The following ACBD6 variants were observed in gnomAD, a reference collection of about 807,000 sequenced individuals.
ACBD6 encodes the protein acyl-CoA binding domain containing 6, also known as acyl-CoA-binding domain-containing protein 6.
ACBD6 carries 28 observed loss-of-function variants against 37.2 expected under a neutral mutation model. The ratio of observed to expected loss-of-function variants is 0.75; its 90% CI spans 0.56 to 1.03. The LOEUF (loss-of-function observed/expected upper bound fraction) is 1.03. Ranked by LOEUF, ACBD6 falls within the 50% of genes least tolerant of loss-of-function variation. The probability of loss-of-function intolerance (pLI) is 0.00; values close to 1 mark genes in which losing one functional copy is unlikely to be tolerated. For synonymous variants in ACBD6, 113 were observed against 126.8 expected, an observed-to-expected ratio of 0.89 and a Z score of 0.73; for missense variants, 340 against 337.4, an observed-to-expected ratio of 1.01 and a Z score of -0.06.
Position 180,495,483 on chromosome 1 carries a change from C to A in ACBD6, c.265G>T (p.Asp89Tyr). 6.2e-7 allele frequency: 1 copy of A among 1,605,836 alleles called. No individual in the cohort carries two copies. Among genetic ancestry groups the A allele is most frequent in the South Asian group, 1.1e-5 (1 of 88,442 alleles). Residue 89 changes from aspartate to tyrosine, a missense_variant, in exon 2 of 8, where the codon GAT (aspartate) becomes TAT (tyrosine). Physicochemically the swap from Asp to Tyr is radical, Grantham distance 160. Coordinates refer to ENST00000367595, the MANE Select transcript of ACBD6 (RefSeq NM_032360.4). ...NCNTPKPSFF[D>Y]FEGKQKWEAW... Reference sequence around the variant, plus strand: ...TACCATTTTTGCTTTCCTTCAAAATCAAAGAAGCTTGGTTTAGGAGTATTA... The same window carrying A: ...TACCATTTTTGCTTTCCTTCAAAATAAAAGAAGCTTGGTTTAGGAGTATTA...
intron 3 of ACBD6, among the ~76,000 whole-genome samples, chr1:180,441,064 TA>T (rs1420353020): frequency 6.6e-6 from 1 of 152,226 alleles, no homozygotes; most frequent in East Asian, 1.9e-4. Context: ...CACTCCTGTA[TA>T]TACCCAAAAG....
intron 1 of ACBD6, among the ~76,000 whole-genome samples, chr1:180,497,456 A>G (rs956591215): frequency 1.3e-5 from 2 of 152,244 alleles, no homozygotes; most frequent in African/African-American, 4.8e-5. Flanking sequence ...AACTTAGGGC[A>G]GCAGTTTTCA....
At chr1:180,478,418 T>C (rs1650885150) in intron 3 of ACBD6, among the ~76,000 whole-genome samples, 1 of 152,004 alleles carries the variant, frequency 6.6e-6, no homozygotes, top group Non-Finnish European at 1.5e-5. Context: ...CTTAGAACAA[T>C]ACAACCTAGA....
intron 6 of ACBD6, among the ~76,000 whole-genome samples, chr1:180,334,557 G>A (rs1311712076): frequency 6.6e-6 from 1 of 152,034 alleles, no homozygotes; most frequent in East Asian, 1.9e-4. Context: ...CACAAAGATG[G>A]GAAAAAAACA....
rs56286672 is a variant in ACBD6 at position 180,353,785 on chromosome 1, C to CAAAAAAA, written c.664-39070_664-39064dup. Among the ~76,000 whole-genome samples the CAAAAAAA allele has an allele frequency of 2.3e-3, 45 of 19,650 alleles. 4 individuals are homozygous for CAAAAAAA. Among genetic ancestry groups the CAAAAAAA allele is most frequent in the African/African-American group, 8.6e-3 (29 of 3,362 alleles). 12.9% of individuals were successfully genotyped at this position (19,650 alleles called of 152,430 possible). A position where few individuals can be genotyped will look rare whatever the true frequency, so the allele number is the denominator to read the frequency against. ...AATGACATAAAACAGTTAACAACCA[C>CAAAAAAA]AAAAAAAAAAAAAAAAAAAAGCCCA... On this transcript the variant is annotated intron_variant, in intron 6 of 7. Transcript: ENST00000367595.
Position 180,288,472 on chromosome 1 carries a change from G to A in ACBD6, c.740C>T (p.Ser247Phe), listed in dbSNP as rs375602711. Residue 247 changes from serine (S) to phenylalanine (F), a missense_variant, in exon 8 of 8, where the codon TCT becomes TTT. By Grantham distance (155) the Ser-to-Phe change is radical. Transcript: ENST00000367595. ...FLDIVELLLQSGADPTLRDQD... is the reference protein window; with the variant it reads ...FLDIVELLLQFGADPTLRDQD... ...GTCTCGGAGAGTGGGGTCAGCACCAGACTGGAGCAGCAGCTCTACAATATC... is the reference window on the plus strand; with the variant it reads ...GTCTCGGAGAGTGGGGTCAGCACCAAACTGGAGCAGCAGCTCTACAATATC... 6.8e-6 allele frequency: 11 copies of A among 1,613,610 alleles called. No homozygotes were observed. The African/African-American group carries it at 1.5e-4, about 22-fold the overall frequency.
Position 180,342,132 on chromosome 1 carries a change from A to G in ACBD6, c.664-27410T>C, listed in dbSNP as rs572260937. Among the ~76,000 whole-genome samples the G allele has an allele frequency of 5.3e-4, 81 of 152,292 alleles. 1 individual carries two copies. The highest frequency in any genetic ancestry group is 7.4e-4 in the Non-Finnish European group (50 of 67,996). On this transcript the variant is annotated intron_variant, in intron 6 of 7. Transcript: ENST00000367595. ...CTTTCAATTTAGGGAATGTCTACCT[A>G]GAAATCAATTAGAGCAAGGACATGA...
intron 1 of ACBD6, among the ~76,000 whole-genome samples, chr1:180,501,042 G>A (rs1371127915): frequency 6.6e-6 from 1 of 152,090 alleles, no homozygotes; most frequent in Non-Finnish European, 1.5e-5. Flanking sequence ...AATTAAACGT[G>A]TCTATACACC....
At chr1:180,358,296 G>A (rs910557873) in intron 6 of ACBD6, among the ~76,000 whole-genome samples, 6 of 152,028 alleles carry the variant, frequency 3.9e-5, no homozygotes, top group Non-Finnish European at 7.4e-5. Flanking sequence ...GCATGGTGGC[G>A]CATGCCTGTA....
chr1:180,286,014 TCATGTAGTATATTAATATCC>T (rs1649487270), downstream of ACBD6, among the ~76,000 whole-genome samples: 2 of 152,168 alleles, frequency 1.3e-5, no homozygotes, highest in African/African-American at 4.8e-5. Context: ...TCAAGATATC[TCATGTAGTATATTAATATCC>T]CATGTAGTAT....
chr1:180,482,686 A>G (rs553099920), intron 3 of ACBD6, among the ~76,000 whole-genome samples: 1 of 152,264 alleles, frequency 6.6e-6, no homozygotes, highest in East Asian at 1.9e-4. Context: ...GACAAAAGAG[A>G]AGTGGAATTG....
intron 4 of ACBD6, among the ~76,000 whole-genome samples, chr1:180,425,385 C>T (rs1215846700): frequency 6.6e-6 from 1 of 152,328 alleles, no homozygotes; most frequent in South Asian, 2.1e-4. Flanking sequence ...TTTAACAAGA[C>T]ATATGTCATC....
In ACBD6 at chr1:180,409,830, G is replaced by C. The variant is rs540016066; in HGVS notation, c.573+3536C>G. Reference sequence around the variant, plus strand: ...AACCTAGTATCAAATGAAAGGAAAAGGGCTGCACCGTCTCTCACCTTCAAT... The same window carrying C: ...AACCTAGTATCAAATGAAAGGAAAACGGCTGCACCGTCTCTCACCTTCAAT... On this transcript the variant is annotated intron_variant, in intron 5 of 7. Transcript: ENST00000367595. 1.4e-4 allele frequency among the ~76,000 whole-genome samples: 21 copies of C among 152,232 alleles called. No individual in the cohort carries two copies. In the East Asian group the frequency reaches 3.9e-3, roughly 28 times the overall value.
At chr1:180,328,781 C>T (rs1651357482) in intron 6 of ACBD6, among the ~76,000 whole-genome samples, 1 of 151,974 alleles carries the variant, frequency 6.6e-6, no homozygotes. Flanking sequence ...AGATCTGTGA[C>T]TCTATAATAG....
At chr1:180,437,378 C>T (rs1357828264) in intron 3 of ACBD6, among the ~76,000 whole-genome samples, 1 of 152,106 alleles carries the variant, frequency 6.6e-6, no homozygotes, top group Non-Finnish European at 1.5e-5. Context: ...TCTCTAGGCA[C>T]CTAGTGTCAG....
At chr1:180,383,530 C>CA (rs1312123419) in intron 6 of ACBD6, among the ~76,000 whole-genome samples, 1 of 151,840 alleles carries the variant, frequency 6.6e-6, no homozygotes, top group African/African-American at 2.4e-5. Context: ...AAGAAATTCA[C>CA]AAAAAAATAG....
intron 6 of ACBD6, among the ~76,000 whole-genome samples, chr1:180,383,340 G>A (rs568098851): frequency 2.0e-5 from 3 of 151,912 alleles, no homozygotes; most frequent in African/African-American, 4.8e-5. Flanking sequence ...AAATTCAGTC[G>A]AGTTGAATAC....
chr1:180,349,692 C>T (rs1313602187), intron 6 of ACBD6, among the ~76,000 whole-genome samples: 1 of 152,014 alleles, frequency 6.6e-6, no homozygotes, highest in Non-Finnish European at 1.5e-5. Flanking sequence ...TTGTTAGAGT[C>T]GTATGACCTT....
chr1:180,323,155 G>T (rs1289489822), intron 6 of ACBD6, among the ~76,000 whole-genome samples: 1 of 151,862 alleles, frequency 6.6e-6, no homozygotes, highest in African/African-American at 2.4e-5. Context: ...TCTCTGTATA[G>T]TTTCCAAAAT....
Sources: allele counts gnomAD v4.1 joint callset (sites outside exome capture counted in the v4.1 genomes callset), GRCh38; gene constraint gnomAD v4.1.1; transcripts MANE v1.5; gene names NCBI Gene and HGNC (gene_info 2026-07-23, HGNC 2026-07-21).